SNX14: variants seen among roughly 807,000 people sequenced by gnomAD.
The protein encoded by SNX14 is sorting nexin-14.
SNX14 carries 93 observed loss-of-function variants against 133.8 expected under a neutral mutation model. The observed-to-expected ratio is 0.70, with a 90% CI of 0.59 to 0.83. SNX14 has a LOEUF of 0.83. SNX14 is among the 40% of genes least tolerant of loss of function. The probability of loss-of-function intolerance (pLI) is 0.00; values close to 1 mark genes in which losing one functional copy is unlikely to be tolerated. For missense variants in SNX14, 945 were observed against 1,094.9 expected (o/e 0.86, Z 1.93); for synonymous variants, 368 against 365.6 (o/e 1.01, Z -0.07).
chr6:85,543,621 T>C lies in SNX14; in HGVS notation c.1248A>G (p.Val416=). 1 of 1,580,484 alleles carries C rather than the reference T, an allele frequency of 6.3e-7. No individual in the cohort carries two copies. Among genetic ancestry groups the C allele is most frequent in the Non-Finnish European group, 8.6e-7 (1 of 1,161,034 alleles). ...IDKIRFDPFI[V]EEIQRIAEGP... ...TTGACTTACTTCTTTGAATCTCTTCTACAATGAAGGGATCAAATCTAATTT... is the reference window on the plus strand; with the variant it reads ...TTGACTTACTTCTTTGAATCTCTTCCACAATGAAGGGATCAAATCTAATTT... The change falls in exon 13 of 29, where the codon GTA becomes GTG. Residue 416 remains valine, a synonymous_variant. Transcript: ENST00000314673.
At chr6:85,541,466 G>C (rs1246650167) in intron 15 of SNX14, among the ~76,000 whole-genome samples, 1 of 152,014 alleles carries the variant, frequency 6.6e-6, no homozygotes, top group Non-Finnish European at 1.5e-5. Context: ...TATCAATTTT[G>C]TACATGTAAC....
At chr6:85,537,903 G>A (rs1276747862) in intron 16 of SNX14, among the ~76,000 whole-genome samples, 3 of 152,038 alleles carry the variant, frequency 2.0e-5, no homozygotes, top group Middle Eastern at 3.2e-3. Flanking sequence ...CTCCAGCCTG[G>A]GCAACAGAGT....
Position 85,574,371 on chromosome 6 carries a change from G to C in SNX14, c.148C>G (p.His50Asp), listed in dbSNP as rs774042896. 17 of 1,541,604 alleles carry C rather than the reference G, an allele frequency of 1.1e-5. No homozygotes were observed. In the East Asian group the frequency reaches 3.4e-4, roughly 31 times the overall value. ...AASLLLNRYI[H>D]ILMIFWSFVA... Reference sequence around the variant, plus strand: ...AATGACCAGAAGATCATTAAAATATGAATATACCTTAAAAATAAATGAAAA... The same window carrying C: ...AATGACCAGAAGATCATTAAAATATCAATATACCTTAAAAATAAATGAAAA... Residue 50 changes from histidine (H) to aspartate (D), a missense_variant, in exon 2 of 29, where the codon CAT becomes GAT. This residue lies in a region of SNX14 where 514 missense variants were observed against 538.8 expected (regional missense o/e 0.95). Coordinates refer to ENST00000314673, the MANE Select transcript of SNX14 (RefSeq NM_153816.6).
At chr6:85,559,225 A>T (rs74534437) in intron 6 of SNX14, among the ~76,000 whole-genome samples, 2,156 of 152,264 alleles carry the variant, frequency 0.014, 38 homozygotes, top group Non-Finnish European at 0.021. Flanking sequence ...GTAAGAGGCG[A>T]TATTTTTGCT....
intron 4 of SNX14, among the ~76,000 whole-genome samples, chr6:85,571,157 G>A (rs9342041): frequency 0.62 from 93,509 of 151,656 alleles, 29,128 homozygotes; most frequent in Admixed American, 0.69. Context: ...TCAAGACCAC[G>A]TCCTGGCTAA....
intron 4 of SNX14, among the ~76,000 whole-genome samples, chr6:85,571,361 A>G (rs1795523077): frequency 6.8e-6 from 1 of 148,074 alleles, no homozygotes; most frequent in Admixed American, 6.7e-5. Flanking sequence ...CTCCATCTCA[A>G]AAAAAAAAAA....
intron 21 of SNX14, among the ~76,000 whole-genome samples, chr6:85,519,663 G>A (rs527701515): frequency 6.6e-6 from 1 of 152,308 alleles, no homozygotes; most frequent in South Asian, 2.1e-4. Flanking sequence ...GAGGTCAGGA[G>A]TTCGAGACCA....
At chr6:85,520,039 T>TAGC (rs1776341791) in intron 21 of SNX14, among the ~76,000 whole-genome samples, 1 of 151,708 alleles carries the variant, frequency 6.6e-6, no homozygotes, top group African/African-American at 2.4e-5. Context: ...GTAGTAGTAG[T>TAGC]AGCAGTAGTA....
chr6:85,569,401 TC>T lies in SNX14; in HGVS notation c.418-1825del, dbSNP rs1169834456. 3.9e-5 allele frequency among the ~76,000 whole-genome samples: 6 copies of T among 152,296 alleles called. 1 individual carries two copies. Among genetic ancestry groups the T allele is most frequent in the Admixed American group, 1.3e-4 (2 of 15,290 alleles). ...GACCACATCATCCTCTTGCATGAAA[TC>T]CTCAACATATCAAACCTGAATATAT... On this transcript the variant is annotated intron_variant, in intron 4 of 28. Coordinates refer to ENST00000314673, the MANE Select transcript of SNX14 (RefSeq NM_153816.6).
chr6:85,568,770 C>T (rs1167806723), intron 4 of SNX14, among the ~76,000 whole-genome samples: 1 of 152,038 alleles, frequency 6.6e-6, no homozygotes, highest in East Asian at 1.9e-4. Context: ...ATAATTTAGA[C>T]ATTTTAGTAC....
At chr6:85,516,175 T>C (rs180892134) in intron 23 of SNX14, among the ~76,000 whole-genome samples, 202 of 152,334 alleles carry the variant, frequency 1.3e-3, no homozygotes, top group Middle Eastern at 3.4e-3. Flanking sequence ...CAATTTCATC[T>C]GCTGCAAAAC....
At chr6:85,524,441 C>A (rs778139197) in intron 21 of SNX14, among the ~76,000 whole-genome samples, 2 of 152,018 alleles carry the variant, frequency 1.3e-5, no homozygotes, top group Non-Finnish European at 2.9e-5. Flanking sequence ...AAGAATGCTG[C>A]AGAGGAGGTC....
intron 1 of SNX14, among the ~76,000 whole-genome samples, chr6:85,586,341 A>G (rs907701131): frequency 2.0e-5 from 3 of 152,206 alleles, no homozygotes; most frequent in African/African-American, 7.2e-5. Context: ...AATATTTACT[A>G]CCTAACACTT....
At chr6:85,549,943 C>T in intron 7 of SNX14, 64 bp from the exon 8 acceptor site, 1 of 1,416,712 alleles carries the variant, frequency 7.1e-7, no homozygotes, top group East Asian at 2.4e-5. Flanking sequence ...CGGTCATTTC[C>T]ACTAACAAAT....
At chr6:85,576,980 C>T (rs1397667825) in intron 1 of SNX14, among the ~76,000 whole-genome samples, 3 of 152,124 alleles carry the variant, frequency 2.0e-5, no homozygotes, top group Non-Finnish European at 4.4e-5. Context: ...AAACACACAG[C>T]CTAGTTAGAA....
At chr6:85,536,128 T>C (rs966019296) in intron 17 of SNX14, among the ~76,000 whole-genome samples, 9 of 152,182 alleles carry the variant, frequency 5.9e-5, no homozygotes, top group Non-Finnish European at 1.0e-4. Context: ...AAATGTTCAG[T>C]TCAACTTGGG....
intron 1 of SNX14, among the ~76,000 whole-genome samples, chr6:85,577,740 G>A (rs2128213879): frequency 6.6e-6 from 1 of 152,084 alleles, no homozygotes; most frequent in East Asian, 1.9e-4. Context: ...TAGAAGAATT[G>A]GAAAGAAAAC....
chr6:85,513,794 T>G lies in SNX14; in HGVS notation c.2653+6A>C. 1 of 1,595,138 alleles carries G rather than the reference T, an allele frequency of 6.3e-7. No individual in the cohort carries two copies. On this transcript the variant is annotated splice_donor_region_variant and intron_variant, in intron 26 of 28. Coordinates refer to ENST00000314673, the MANE Select transcript of SNX14 (RefSeq NM_153816.6). ...ATGAAATTAAGTTACTTCTTAAATA[T>G]TACACCTGGAATGTAATTCATCATT...
intron 12 of SNX14, 81 bp from the exon 13 acceptor site, chr6:85,543,841 A>T (rs541552764): frequency 6.1e-6 from 5 of 817,830 alleles, no homozygotes; most frequent in Admixed American, 7.9e-5. Flanking sequence ...TTCTAATTGT[A>T]GCCAATACTA....
Sources: gnomAD v4.1 joint callset for allele counts (sites outside exome capture counted in the v4.1 genomes callset) on GRCh38, gnomAD v4.1.1 for gene constraint, gnomAD v4.1.1 regional missense constraint, MANE v1.5 for transcripts, NCBI Gene and HGNC (gene_info 2026-07-23, HGNC 2026-07-21) for gene names.